CFAP54: variants seen among roughly 807,000 people sequenced by gnomAD.
The protein encoded by CFAP54 is cilia- and flagella-associated protein 54.
CFAP54 carries 290 observed loss-of-function variants against 370.4 expected under a neutral mutation model. The observed-to-expected ratio is 0.78, with a 90% CI of 0.71 to 0.86. CFAP54 has a LOEUF of 0.86. CFAP54 is among the 40% of genes least tolerant of loss of function. The pLI, the probability that CFAP54 is intolerant of heterozygous loss-of-function variation, is 0.00. For missense variants in CFAP54, 3,399 were observed against 3,528.7 expected (o/e 0.96, Z 0.93); for synonymous variants, 1,206 against 1,236.5 (o/e 0.98, Z 0.52).
At chr12:96,823,010 T>C (rs1434080408) in intron 65 of CFAP54, among the ~76,000 whole-genome samples, 1 of 152,222 alleles carries the variant, frequency 6.6e-6, no homozygotes, top group Non-Finnish European at 1.5e-5. Context: ...TTCTGCACTG[T>C]ATAGACAGGT....
chr12:96,741,459 C>T lies in CFAP54; in HGVS notation c.7072-980C>T, dbSNP rs530656375. On this transcript the variant is annotated intron_variant, in intron 51 of 67. Transcript: ENST00000524981. ...ATTACAGGTGTGAGCCACCGCGCCG[C>T]GCATGTTGACTGCTTACCCTTGTTT... Among the ~76,000 whole-genome samples the T allele has an allele frequency of 4.3e-4, 65 of 152,136 alleles. 1 individual carries two copies. The highest frequency in any genetic ancestry group is 2.4e-3 in the Admixed American group (36 of 15,260).
chr12:96,790,611 A>C (rs557259171), intron 62 of CFAP54, among the ~76,000 whole-genome samples: 2 of 152,296 alleles, frequency 1.3e-5, no homozygotes, highest in East Asian at 3.9e-4. Context: ...GAACCTCTGA[A>C]AATCACTCAG....
intron 22 of CFAP54, among the ~76,000 whole-genome samples, chr12:96,589,162 T>A (rs1040907325): frequency 6.6e-6 from 1 of 152,184 alleles, no homozygotes; most frequent in African/African-American, 2.4e-5. Flanking sequence ...CTTATAAGGA[T>A]TTGAAACATC....
At chr12:96,740,455 C>T (rs1171869799) in intron 51 of CFAP54, among the ~76,000 whole-genome samples, 2 of 152,238 alleles carry the variant, frequency 1.3e-5, no homozygotes, top group Non-Finnish European at 2.9e-5. Context: ...GGGCTGTTTC[C>T]TGCTTTGGAT....
chr12:96,798,415 C>T (rs1482768887), intron 63 of CFAP54, among the ~76,000 whole-genome samples: 1 of 152,098 alleles, frequency 6.6e-6, no homozygotes, highest in Non-Finnish European at 1.5e-5. Flanking sequence ...GTTGTTTCAA[C>T]ACATTCAAAA....
intron 50 of CFAP54, among the ~76,000 whole-genome samples, chr12:96,738,329 T>G (rs1198222646): frequency 6.6e-6 from 1 of 152,130 alleles, no homozygotes; most frequent in African/African-American, 2.4e-5. Flanking sequence ...TTCCTAAGAC[T>G]GTTGTAGCAA....
chr12:96,572,780 TG>T, intron 19 of CFAP54: 1 of 764,572 alleles, frequency 1.3e-6, no homozygotes, highest in Non-Finnish European at 1.6e-6. Context: ...ATTTCTATTT[TG>T]GGGTAGAAAT....
chr12:96,538,029 G>A (rs1018946229), intron 12 of CFAP54, among the ~76,000 whole-genome samples: 1 of 151,984 alleles, frequency 6.6e-6, no homozygotes, highest in Admixed American at 6.6e-5. Context: ...ATGTGGAGGT[G>A]AGATTGCGAG....
At chr12:96,841,149 A>G (rs1198873311) in intron 66 of CFAP54, among the ~76,000 whole-genome samples, 1 of 152,216 alleles carries the variant, frequency 6.6e-6, no homozygotes, top group East Asian at 1.9e-4. Context: ...AAACTGAGAT[A>G]TCATGATGAA....
At chr12:96,838,523 A>G (rs542607647) in intron 66 of CFAP54, among the ~76,000 whole-genome samples, 2 of 152,272 alleles carry the variant, frequency 1.3e-5, no homozygotes, top group African/African-American at 2.4e-5. Context: ...GGAAGCAGGC[A>G]TGTCTTACAT....
At chr12:96,708,133 C>T (rs1957565009) in intron 47 of CFAP54, among the ~76,000 whole-genome samples, 1 of 151,844 alleles carries the variant, frequency 6.6e-6, no homozygotes. Context: ...AGGTGAGGAC[C>T]CAGGGAGTTG....
chr12:96,536,967 TCAATTCAATTCAATTCAATA>T (rs1955513095), intron 12 of CFAP54, among the ~76,000 whole-genome samples: 1 of 127,254 alleles, frequency 7.9e-6, no homozygotes, highest in Non-Finnish European at 1.7e-5. Context: ...ATGTCTTAGT[TCAATTCAATTCAATTCAATA>T]CAATTCAATT....
intron 1 of CFAP54, among the ~76,000 whole-genome samples, chr12:96,497,361 C>T (rs1234087934): frequency 2.0e-5 from 3 of 152,190 alleles, no homozygotes; most frequent in Non-Finnish European, 4.4e-5. Flanking sequence ...AGTTGGAGGA[C>T]TGACACGACT....
chr12:96,825,429 T>A (rs1181507211), intron 65 of CFAP54, among the ~76,000 whole-genome samples: 4 of 116,574 alleles, frequency 3.4e-5, no homozygotes, highest in Admixed American at 1.0e-4. Flanking sequence ...CATGTTATAT[T>A]ATATATAATA....
intron 26 of CFAP54, among the ~76,000 whole-genome samples, chr12:96,617,795 C>T (rs1330503626): frequency 6.6e-6 from 1 of 152,024 alleles, no homozygotes; most frequent in African/African-American, 2.4e-5. Flanking sequence ...TCAAGACCAT[C>T]CTGGCTAACA....
rs76360343 is a variant in CFAP54, at chr12:96,784,594, A to G, written c.8282-123A>G. ...TCTGCATGATACAAAAGACTTTTAA[A>G]TTGAACATAGTATCATGTGTCAGCA... On this transcript the variant is annotated intron_variant, in intron 60 of 67. Transcript: ENST00000524981. The G allele has an allele frequency of 9.3e-3, 6,303 of 679,884 alleles. 308 individuals are homozygous for G. The East Asian group carries it at 0.11, about 12-fold the overall frequency. The allele number at this position is 679,884 out of a possible 1,614,324, so 42.1% of individuals were successfully genotyped here. A position where few individuals can be genotyped will look rare whatever the true frequency, so the allele number is the denominator to read the frequency against.
intron 25 of CFAP54, among the ~76,000 whole-genome samples, chr12:96,595,500 A>T (rs1565907605): frequency 6.6e-6 from 1 of 152,174 alleles, no homozygotes; most frequent in Non-Finnish European, 1.5e-5. Flanking sequence ...TCACTGACAC[A>T]TTTTTTGTCA....
At chr12:96,794,557 T>A (rs908519603) in intron 63 of CFAP54, among the ~76,000 whole-genome samples, 1 of 152,158 alleles carries the variant, frequency 6.6e-6, no homozygotes, top group Non-Finnish European at 1.5e-5. Flanking sequence ...ATTTTGCATT[T>A]CTTTAAGTGT....
intron 25 of CFAP54, among the ~76,000 whole-genome samples, chr12:96,596,589 A>C (rs1956181420): frequency 6.6e-6 from 1 of 152,134 alleles, no homozygotes. Flanking sequence ...TCAAAGACTT[A>C]AGTGTAAAAT....
Sources: gnomAD v4.1 joint callset for allele counts (sites outside exome capture counted in the v4.1 genomes callset) on GRCh38, gnomAD v4.1.1 for gene constraint, MANE v1.5 for transcripts, NCBI Gene and HGNC (gene_info 2026-07-23, HGNC 2026-07-21) for gene names.